Variants in ST6GALNAC3 observed in about 807,000 individuals in gnomAD.
ST6GALNAC3 encodes the protein alpha-N-acetylgalactosaminide alpha-2,6-sialyltransferase 3.
A neutral mutation model predicts 32.7 loss-of-function variants in ST6GALNAC3; 25 were observed. The observed-to-expected ratio is 0.76, with a 90% CI of 0.56 to 1.07. The LOEUF is 1.07. ST6GALNAC3 is among the 50% of genes least tolerant of loss of function. The probability of loss-of-function intolerance (pLI) is 0.00; values close to 1 mark genes in which losing one functional copy is unlikely to be tolerated. For synonymous variants in ST6GALNAC3, 129 were observed against 133.1 expected (o/e 0.97, Z 0.21); for missense variants, 355 against 382.4 (o/e 0.93, Z 0.60).
chr1:76,247,052 A>G (rs529983677), intron 1 of ST6GALNAC3, among the ~76,000 whole-genome samples: 8 of 152,244 alleles, frequency 5.3e-5, no homozygotes, highest in Admixed American at 5.2e-4. Flanking sequence ...TTTAACAGTC[A>G]GGCCTCTCTT....
At chr1:76,356,799 G>A (rs1308483880) in intron 2 of ST6GALNAC3, among the ~76,000 whole-genome samples, 2 of 152,160 alleles carry the variant, frequency 1.3e-5, no homozygotes, top group African/African-American at 2.4e-5. Flanking sequence ...AACGCAATGA[G>A]AACTATTATA....
At chr1:76,301,159 A>G (rs528411037) in intron 1 of ST6GALNAC3, among the ~76,000 whole-genome samples, 1 of 152,208 alleles carries the variant, frequency 6.6e-6, no homozygotes, top group African/African-American at 2.4e-5. Flanking sequence ...TCATTCAGCT[A>G]TTAAGTAGAG....
At chr1:76,112,666 C>T (rs373284947) in intron 1 of ST6GALNAC3, among the ~76,000 whole-genome samples, 8 of 147,416 alleles carry the variant, frequency 5.4e-5, no homozygotes, top group African/African-American at 7.8e-5. Context: ...TCAGATGGGG[C>T]GGTTGCCAGG....
intron 2 of ST6GALNAC3, among the ~76,000 whole-genome samples, chr1:76,327,086 T>C (rs970496497): frequency 1.6e-4 from 25 of 152,148 alleles, no homozygotes; most frequent in African/African-American, 6.0e-4. Flanking sequence ...CCTATGTGTG[T>C]TGAGTTTTTA....
At chr1:76,396,674 T>C (rs1002529482) in intron 2 of ST6GALNAC3, among the ~76,000 whole-genome samples, 1 of 152,190 alleles carries the variant, frequency 6.6e-6, no homozygotes, top group Non-Finnish European at 1.5e-5. Flanking sequence ...ATTTGCTTTG[T>C]TGATGCCACT....
chr1:76,287,401 T>G (rs1468085083), intron 1 of ST6GALNAC3, among the ~76,000 whole-genome samples: 1 of 151,014 alleles, frequency 6.6e-6, no homozygotes, highest in East Asian at 1.9e-4. Context: ...TTTTTTTTTT[T>G]TTTGCATTTG....
chr1:76,272,727 C>A (rs1211026769), intron 1 of ST6GALNAC3, among the ~76,000 whole-genome samples: 1 of 152,190 alleles, frequency 6.6e-6, no homozygotes, highest in African/African-American at 2.4e-5. Flanking sequence ...TTGGCTGTCC[C>A]AGCCACCCCC....
chr1:76,541,030 GTTAGAGAAAA>G (rs753817095), intron 3 of ST6GALNAC3, among the ~76,000 whole-genome samples: 71 of 152,110 alleles, frequency 4.7e-4, no homozygotes, highest in Non-Finnish European at 7.9e-4. Context: ...TTCAGAGGAG[GTTAGAGAAAA>G]TACAGGAAGG....
chr1:76,257,785 C>G (rs1658000991), intron 1 of ST6GALNAC3, among the ~76,000 whole-genome samples: 1 of 151,970 alleles, frequency 6.6e-6, no homozygotes, highest in South Asian at 2.1e-4. Context: ...AGTTATTCTG[C>G]CGAATGATAC....
intron 2 of ST6GALNAC3, among the ~76,000 whole-genome samples, chr1:76,383,667 A>T (rs1010621944): frequency 6.6e-6 from 1 of 152,216 alleles, no homozygotes; most frequent in Non-Finnish European, 1.5e-5. Context: ...AGTAAGAGAA[A>T]GGTTTAATAT....
intron 3 of ST6GALNAC3, among the ~76,000 whole-genome samples, chr1:76,423,227 G>T: frequency 6.6e-6 from 1 of 151,878 alleles, no homozygotes; most frequent in Non-Finnish European, 1.5e-5. Flanking sequence ...TTTTGCCTAT[G>T]TTATCTGGGT....
At chr1:76,238,769 A>G (rs2100659578) in intron 1 of ST6GALNAC3, among the ~76,000 whole-genome samples, 1 of 152,256 alleles carries the variant, frequency 6.6e-6, no homozygotes, top group East Asian at 1.9e-4. Context: ...GGTGTGAGAT[A>G]GATTATTTTC....
chr1:76,533,505 A>T (rs1025510319), intron 3 of ST6GALNAC3, among the ~76,000 whole-genome samples: 1 of 152,018 alleles, frequency 6.6e-6, no homozygotes, highest in East Asian at 1.9e-4. Context: ...GCTTCAGTCC[A>T]TGTTCCCTAT....
intron 3 of ST6GALNAC3, among the ~76,000 whole-genome samples, chr1:76,601,618 C>G (rs1307933011): frequency 6.6e-6 from 1 of 152,140 alleles, no homozygotes; most frequent in Non-Finnish European, 1.5e-5. Context: ...TTTCATTAAC[C>G]CTCACAACAA....
At chr1:76,201,822 C>T (rs1295142734) in intron 1 of ST6GALNAC3, among the ~76,000 whole-genome samples, 1 of 152,034 alleles carries the variant, frequency 6.6e-6, no homozygotes, top group East Asian at 1.9e-4. Flanking sequence ...AACAGAAAGA[C>T]ATACAAAAAG....
intron 1 of ST6GALNAC3, among the ~76,000 whole-genome samples, chr1:76,199,005 G>A (rs535122340): frequency 2.0e-5 from 3 of 151,926 alleles, no homozygotes; most frequent in Admixed American, 1.3e-4. Context: ...TTTCAGAGGA[G>A]GAAATCTAGG....
rs185061773 is a variant in ST6GALNAC3 at position 76,629,770 on chromosome 1, G to T, written c.*964G>T. 2.1e-6 allele frequency: 2 copies of T among 973,756 alleles called. No homozygotes were observed. Among genetic ancestry groups the T allele is most frequent in the Non-Finnish European group, 2.4e-6 (2 of 819,298 alleles). 60.3% of individuals were successfully genotyped at this position (973,756 alleles called of 1,614,324 possible). A position where few individuals can be genotyped will look rare whatever the true frequency, so the allele number is the denominator to read the frequency against. ...GCAAAGCATATTTTTACATCAATTT[G>T]TATCCTATCATACTTCATAATATAT... On this transcript the variant is annotated 3_prime_UTR_variant, in exon 5 of 5. Coordinates refer to ENST00000328299, the MANE Select transcript of ST6GALNAC3 (RefSeq NM_152996.4).
intron 3 of ST6GALNAC3, among the ~76,000 whole-genome samples, chr1:76,557,418 G>C (rs315050): frequency 6.6e-6 from 1 of 151,900 alleles, no homozygotes; most frequent in Non-Finnish European, 1.5e-5. Flanking sequence ...ATTGGGATGC[G>C]GGCTTCTCCA....
intron 3 of ST6GALNAC3, among the ~76,000 whole-genome samples, chr1:76,557,394 CT>C (rs1393477894): frequency 6.6e-6 from 1 of 151,996 alleles, no homozygotes; most frequent in Non-Finnish European, 1.5e-5. Flanking sequence ...TTAGGATTAA[CT>C]CATCAATGGG....
Sources: gnomAD v4.1 joint callset for allele counts (sites outside exome capture counted in the v4.1 genomes callset) on GRCh38, gnomAD v4.1.1 for gene constraint, MANE v1.5 for transcripts, NCBI Gene and HGNC (gene_info 2026-07-23, HGNC 2026-07-21) for gene names.